The following SUPT20H variants were observed in gnomAD, a reference collection of about 807,000 sequenced individuals.
The protein encoded by SUPT20H is SPT20 homolog, SAGA complex component.
In SUPT20H, 82 loss-of-function variants were observed where a neutral mutation model predicts 122.8. The observed-to-expected ratio is 0.67, with a 90% CI of 0.56 to 0.80. SUPT20H has a LOEUF of 0.80. Ranked by LOEUF, SUPT20H falls within the 30% of genes least tolerant of loss-of-function variation. The pLI is 0.00. For missense variants in SUPT20H, 831 were observed against 921.6 expected, an observed-to-expected ratio of 0.90 and a Z score of 1.27; for synonymous variants, 291 against 313.0, an observed-to-expected ratio of 0.93 and a Z score of 0.74.
At chr13:37,018,760 G>A (rs886129880) in intron 22 of SUPT20H, among the ~76,000 whole-genome samples, 2 of 152,124 alleles carry the variant, frequency 1.3e-5, no homozygotes, top group Non-Finnish European at 2.9e-5. Context: ...GGGCTCAAGT[G>A]ATCCTCCGAC....
At chr13:37,028,101 G>T in intron 14 of SUPT20H, 47 bp downstream of exon 14, 2 of 1,494,290 alleles carry the variant, frequency 1.3e-6, no homozygotes, top group Non-Finnish European at 1.8e-6. Flanking sequence ...TAAATTCTTG[G>T]TGCCTTATTT....
intron 12 of SUPT20H, among the ~76,000 whole-genome samples, chr13:37,031,156 AT>A (rs2063230689): frequency 6.6e-6 from 1 of 152,068 alleles, no homozygotes; most frequent in African/African-American, 2.4e-5. Context: ...ATTTTATTTT[AT>A]GTCAAATAAT....
At chr13:37,017,623 C>T (rs1474467958) in intron 22 of SUPT20H, among the ~76,000 whole-genome samples, 1 of 152,106 alleles carries the variant, frequency 6.6e-6, no homozygotes, top group Non-Finnish European at 1.5e-5. Context: ...TAGTAGTTAG[C>T]TATTCCAATT....
intron 1 of SUPT20H, among the ~76,000 whole-genome samples, chr13:37,052,448 C>T (rs1269727513): frequency 6.6e-6 from 1 of 152,034 alleles, no homozygotes; most frequent in Non-Finnish European, 1.5e-5. Flanking sequence ...TAATAAATGG[C>T]CCTGGGAAGA....
intron 1 of SUPT20H, among the ~76,000 whole-genome samples, chr13:37,057,524 T>A (rs1380334845): frequency 6.5e-5 from 7 of 108,462 alleles, no homozygotes; most frequent in African/African-American, 1.5e-4. Context: ...GCCAAGCCAT[T>A]AAAAAAAAAA....
intron 23 of SUPT20H, among the ~76,000 whole-genome samples, chr13:37,014,243 A>T (rs952581034): frequency 3.9e-5 from 6 of 152,124 alleles, no homozygotes; most frequent in South Asian, 2.1e-4. Context: ...TATGCACCTA[A>T]CAATATGGGC....
At chr13:37,026,894 T>C in intron 14 of SUPT20H, 78 bp from the exon 15 acceptor site, 3 of 925,950 alleles carry the variant, frequency 3.2e-6, no homozygotes, top group Non-Finnish European at 4.6e-6. Flanking sequence ...ATAAAGTATT[T>C]TATGAATATG....
At chr13:37,057,080 T>C (rs1049051645) in intron 1 of SUPT20H, 4 of 151,984 alleles carry the variant, frequency 2.6e-5, no homozygotes, top group Non-Finnish European at 5.9e-5. Context: ...GAGAGGATCA[T>C]CTGAGCTGAG....
intron 1 of SUPT20H, among the ~76,000 whole-genome samples, chr13:37,055,116 G>C (rs920081609): frequency 6.6e-6 from 1 of 152,202 alleles, no homozygotes; most frequent in African/African-American, 2.4e-5. Context: ...GGAAATAAAA[G>C]AGGATACAAA....
chr13:37,046,893 T>A (rs1363288688), intron 5 of SUPT20H: 1 of 152,204 alleles, frequency 6.6e-6, no homozygotes, highest in Non-Finnish European at 1.5e-5. Flanking sequence ...CTACTGGAAT[T>A]CCACTGTTTT....
At chr13:37,027,693 A>G (rs548911504) in intron 14 of SUPT20H, among the ~76,000 whole-genome samples, 4 of 152,316 alleles carry the variant, frequency 2.6e-5, no homozygotes, top group African/African-American at 9.6e-5. Context: ...TTGGAAGATC[A>G]TCTATATTTT....
At chr13:37,012,322 T>G in intron 23 of SUPT20H, 25 bp from the exon 24 acceptor site, 4 of 1,587,242 alleles carry the variant, frequency 2.5e-6, no homozygotes, top group Non-Finnish European at 3.4e-6. Context: ...AATAAATGAC[T>G]TGTACAAGAA....
In SUPT20H at chr13:37,051,580, A is replaced by G. The variant is rs915541678; in HGVS notation, c.-90T>C. ...ACCATGCCTTTAACATCAATCTTACAGTACTGAAAAGCAAAAACAATAAAA... is the reference window on the plus strand; with the variant it reads ...ACCATGCCTTTAACATCAATCTTACGGTACTGAAAAGCAAAAACAATAAAA... On this transcript the variant is annotated 5_prime_UTR_variant, in exon 2 of 26. Coordinates refer to ENST00000350612, the MANE Select transcript of SUPT20H (RefSeq NM_001014286.3). 1.2e-4 allele frequency: 142 copies of G among 1,159,476 alleles called. No homozygotes were observed. Among genetic ancestry groups the G allele is most frequent in the Admixed American group, 3.0e-4 (14 of 46,360 alleles). 71.8% of individuals were successfully genotyped at this position (1,159,476 alleles called of 1,614,324 possible). A position where few individuals can be genotyped will look rare whatever the true frequency, so the allele number is the denominator to read the frequency against.
intron 13 of SUPT20H, 45 bp from the exon 14 acceptor site, chr13:37,028,350 C>A: frequency 3.2e-6 from 5 of 1,548,708 alleles, no homozygotes; most frequent in Non-Finnish European, 4.4e-6. Context: ...CACAAGTAGG[C>A]AGGCAATAAG....
chr13:37,019,425 AGAATT>A, intron 21 of SUPT20H, 28 bp from the exon 22 acceptor site: 1 of 1,516,356 alleles, frequency 6.6e-7, no homozygotes, highest in Non-Finnish European at 9.0e-7. Context: ...TGGTTATAAC[AGAATT>A]GAAAGTTTAT....
At chr13:37,021,681 C>T in intron 20 of SUPT20H, 79 bp from the exon 21 acceptor site, 2 of 1,432,728 alleles carry the variant, frequency 1.4e-6, no homozygotes, top group Non-Finnish European at 1.9e-6. Flanking sequence ...GATTAAAAAA[C>T]AAAACTACTA....
chr13:37,016,173 G>A (rs1336822357), intron 23 of SUPT20H, among the ~76,000 whole-genome samples: 2 of 152,174 alleles, frequency 1.3e-5, no homozygotes, highest in South Asian at 2.1e-4. Flanking sequence ...GCTCATGCCT[G>A]TAATCCCAGC....
intron 1 of SUPT20H, among the ~76,000 whole-genome samples, chr13:37,054,905 C>T (rs1313099650): frequency 6.6e-6 from 1 of 152,208 alleles, no homozygotes; most frequent in African/African-American, 2.4e-5. Context: ...AGCTGATAGG[C>T]AACTTCAGCA....
At chr13:37,057,969 G>A (rs1188999128) in intron 1 of SUPT20H, among the ~76,000 whole-genome samples, 2 of 73,140 alleles carry the variant, frequency 2.7e-5, no homozygotes, top group Non-Finnish European at 4.9e-5. Context: ...GAGAGACTCC[G>A]TCTCAAAAAA....
Sources: allele counts gnomAD v4.1 joint callset (sites outside exome capture counted in the v4.1 genomes callset), GRCh38; gene constraint gnomAD v4.1.1; transcripts MANE v1.5; gene names NCBI Gene and HGNC (gene_info 2026-07-23, HGNC 2026-07-21).